Variants in PTPN18 observed in about 807,000 individuals in gnomAD.
The protein encoded by PTPN18 is protein tyrosine phosphatase non-receptor type 18, also known as tyrosine-protein phosphatase non-receptor type 18.
PTPN18 carries 65 observed loss-of-function variants against 65.4 expected under a neutral mutation model. That is an observed-to-expected ratio of 0.99 (90% CI 0.81 to 1.22). The LOEUF (loss-of-function observed/expected upper bound fraction) is 1.22. Among genes scored for constraint, PTPN18 ranks in the 50% most tolerant of loss-of-function variants. The pLI, the probability that PTPN18 is intolerant of heterozygous loss-of-function variation, is 0.00. For synonymous variants in PTPN18, 255 were observed against 267.8 expected (o/e 0.95, Z 0.47); for missense variants, 616 against 646.5 (o/e 0.95, Z 0.51).
At position 130,373,200 on chromosome 2, in the gene PTPN18, G is replaced by A. The variant is rs778107763; in HGVS notation, c.1359G>A (p.Pro453=). ...GGAGGCCGAAGGGTCCCCGGGACCC[G>A]CCTGCTGAGTGGACCCGGGTGTAAG... ...RIGRPKGPRD[P]PAEWTRV Residue 453 remains proline (P), a synonymous_variant, in exon 15 of 15, where the codon CCG becomes CCA. Coordinates refer to ENST00000175756, the MANE Select transcript of PTPN18 (RefSeq NM_014369.4). This position sits in a 1 kb window ranked among gnomAD's most constrained non-coding sequence, Gnocchi z 4.1. 54 of 1,601,708 alleles carry A rather than the reference G, an allele frequency of 3.4e-5. No individual in the cohort carries two copies. Among genetic ancestry groups the A allele is most frequent in the Non-Finnish European group, 4.1e-5 (48 of 1,174,658 alleles).
chr2:130,364,719 C>T lies in PTPN18; in HGVS notation c.415-4414C>T, dbSNP rs906893482. ...GCTGAGGCAAGAGAATGGTGTGAAC[C>T]CATGAGGCGGAGCTTGCAGTGAGCC... On this transcript the variant is annotated intron_variant, in intron 5 of 14. Coordinates refer to ENST00000175756, the MANE Select transcript of PTPN18 (RefSeq NM_014369.4). Among the ~76,000 whole-genome samples the T allele has an allele frequency of 3.9e-5, 6 of 152,230 alleles. 1 individual carries two copies. The highest frequency in any genetic ancestry group is 2.6e-4 in the Admixed American group (4 of 15,270).
chr2:130,373,334 A>C lies in PTPN18; in HGVS notation c.*110A>C. The C allele has an allele frequency of 8.6e-7, 1 of 1,163,260 alleles. No homozygotes were observed. The highest frequency in any genetic ancestry group is 2.7e-5 in the East Asian group (1 of 36,772). 72.1% of individuals were successfully genotyped at this position (1,163,260 alleles called of 1,614,324 possible). On this transcript the variant is annotated 3_prime_UTR_variant, in exon 15 of 15. Coordinates refer to ENST00000175756, the MANE Select transcript of PTPN18 (RefSeq NM_014369.4). The surrounding 1 kb of genome is among the most constrained non-coding windows in gnomAD (Gnocchi z 4.1). ...AAACAGTGGGCCTGGATCAAAGTTAAAGTTTCTCAGGGTGGGAAATGTGGG... is the reference window on the plus strand; with the variant it reads ...AAACAGTGGGCCTGGATCAAAGTTACAGTTTCTCAGGGTGGGAAATGTGGG...
At chr2:130,368,328 TCTTTA>T (rs1465082759) in intron 5 of PTPN18, among the ~76,000 whole-genome samples, 4 of 152,240 alleles carry the variant, frequency 2.6e-5, no homozygotes, top group African/African-American at 7.2e-5. Context: ...TGGATTGTTT[TCTTTA>T]GAGTGTTTTG....
At chr2:130,360,511 C>T in intron 5 of PTPN18, among the ~76,000 whole-genome samples, 1 of 152,060 alleles carries the variant, frequency 6.6e-6, no homozygotes, top group East Asian at 1.9e-4. Flanking sequence ...TTTGTGTTCT[C>T]TCTCTCTCTC....
At chr2:130,372,639 G>GC (rs758070567) in intron 13 of PTPN18, 156 bp downstream of exon 13, 2 of 1,083,920 alleles carry the variant, frequency 1.8e-6, no homozygotes, top group Non-Finnish European at 2.6e-6. Flanking sequence ...CCCTGGCCAC[G>GC]CCCCGGAAGC....
At chr2:130,369,996 G>T (rs1264920230) in intron 7 of PTPN18, 52 bp from the exon 8 acceptor site, 1 of 1,604,616 alleles carries the variant, frequency 6.2e-7, no homozygotes, top group Non-Finnish European at 8.5e-7. Flanking sequence ...GCCAATTAAT[G>T]CTTTTTTCTT....
chr2:130,372,224 G>A, intron 12 of PTPN18, 33 bp from the exon 13 acceptor site: 1 of 1,555,448 alleles, frequency 6.4e-7, no homozygotes, highest in Non-Finnish European at 8.6e-7. Flanking sequence ...CAGCGCCGCC[G>A]TTTCACTTCC....
At position 130,364,871 on chromosome 2, in the gene PTPN18, T is replaced by G. The variant is rs555251940; in HGVS notation, c.415-4262T>G. 7.9e-5 allele frequency among the ~76,000 whole-genome samples: 12 copies of G among 152,358 alleles called. No homozygotes were observed. In the South Asian group the frequency reaches 2.3e-3, roughly 29 times the overall value. ...GAATCCCTGTTTTCAGTTCCCTGGG[T>G]ATACACCTAGCATGGAATTGCTGGA... On this transcript the variant is annotated intron_variant, in intron 5 of 14. Transcript: ENST00000175756.
intron 5 of PTPN18, among the ~76,000 whole-genome samples, chr2:130,364,197 A>G (rs1013578236): frequency 6.6e-6 from 1 of 152,140 alleles, no homozygotes; most frequent in Non-Finnish European, 1.5e-5. Context: ...CCAAACAGAA[A>G]TTCTGTATTC....
chr2:130,371,280 G>A lies in PTPN18; in HGVS notation c.1006G>A (p.Val336Ile). ...LLAIPRPPGG[V>I]LRSISVPGSP... ...CGCCATACCCCGCCCACCAGGAGGG[G>A]TCCTCAGGTACCCGGCTCCATCCCC... The change falls in exon 12 of 15, where the codon GTC becomes ATC. Residue 336 changes from valine (V) to isoleucine (I), a missense_variant. Val to Ile is a conservative substitution (Grantham distance 29). Coordinates refer to ENST00000175756, the MANE Select transcript of PTPN18 (RefSeq NM_014369.4). The A allele has an allele frequency of 6.3e-7, 1 of 1,595,046 alleles. No homozygotes were observed. Among genetic ancestry groups the A allele is most frequent in the Non-Finnish European group, 8.6e-7 (1 of 1,167,696 alleles).
chr2:130,356,268 G>C, intron 1 of PTPN18, 68 bp downstream of exon 1: 1 of 1,152,656 alleles, frequency 8.7e-7, no homozygotes, highest in Admixed American at 4.1e-5. Context: ...TGTCCTCCGC[G>C]CACGGCGGGC....
intron 13 of PTPN18, 108 bp from the exon 14 acceptor site, chr2:130,372,765 C>T (rs778338714): frequency 8.7e-5 from 118 of 1,359,628 alleles, no homozygotes; most frequent in Non-Finnish European, 1.2e-4. Context: ...CGCCCGGCGC[C>T]CTCGGCTCTC....
intron 7 of PTPN18, 80 bp from the exon 8 acceptor site, chr2:130,369,968 C>T: frequency 6.3e-7 from 1 of 1,576,120 alleles, no homozygotes. Context: ...TAGAAGTGGG[C>T]CTGGTGTATA....
intron 5 of PTPN18, among the ~76,000 whole-genome samples, chr2:130,366,902 C>T (rs908537414): frequency 3.6e-4 from 54 of 152,036 alleles, no homozygotes; most frequent in Admixed American, 2.2e-3. Flanking sequence ...CCACTCACTG[C>T]AGCCTCAAAC....
rs1414219107 is a variant in PTPN18, at chr2:130,358,951, A to G, written c.178A>G (p.Asn60Asp). 1 of 1,614,198 alleles carries G rather than the reference A, an allele frequency of 6.2e-7. No individual in the cohort carries two copies. Among genetic ancestry groups the G allele is most frequent in the South Asian group, 1.1e-5 (1 of 91,088 alleles). Residue 60 changes from asparagine (N) to aspartate (D), a missense_variant, in exon 2 of 15, where the codon AAC becomes GAC. By Grantham distance (23) the Asn-to-Asp change is conservative (BLOSUM62 1). Coordinates refer to ENST00000175756, the MANE Select transcript of PTPN18 (RefSeq NM_014369.4). Reference protein sequence around the residue: ...AGSRPENVRKNRYKDVLPYDQ... With the variant: ...AGSRPENVRKDRYKDVLPYDQ... Reference sequence around the variant, plus strand: ...CAGTCGGCCAGAGAACGTGAGGAAGAACCGCTACAAAGACGTGCTGCCTTG... The same window carrying G: ...CAGTCGGCCAGAGAACGTGAGGAAGGACCGCTACAAAGACGTGCTGCCTTG...
intron 3 of PTPN18, 41 bp from the exon 4 acceptor site, chr2:130,359,356 G>A: frequency 6.2e-7 from 1 of 1,614,052 alleles, no homozygotes; most frequent in South Asian, 1.1e-5. Context: ...GTGGCCAGGG[G>A]TGGGCCGCAG....
chr2:130,361,818 C>A (rs1386591643), intron 5 of PTPN18, among the ~76,000 whole-genome samples: 1 of 152,060 alleles, frequency 6.6e-6, no homozygotes, highest in Non-Finnish European at 1.5e-5. Context: ...AAACTCCTGC[C>A]CTCAGGTGAT....
At chr2:130,371,867 C>T (rs1037253875) in intron 12 of PTPN18, 1 of 215,054 alleles carries the variant, frequency 4.6e-6, no homozygotes, top group South Asian at 1.4e-4. Context: ...GCCTTCTTGT[C>T]AGGCCGCACG....
At position 130,365,929 on chromosome 2, in the gene PTPN18, G is replaced by A. The variant is rs567645343; in HGVS notation, c.415-3204G>A. On this transcript the variant is annotated intron_variant, in intron 5 of 14. Transcript: ENST00000175756. ...TCAATTTTATTAAGCTGATTGATGTGTTTATCCTTGTGCCAGTGTAACATA... is the reference window on the plus strand; with the variant it reads ...TCAATTTTATTAAGCTGATTGATGTATTTATCCTTGTGCCAGTGTAACATA... Among the ~76,000 whole-genome samples, 12 of 152,320 alleles carry A rather than the reference G, an allele frequency of 7.9e-5. No individual in the cohort carries two copies. In the South Asian group the frequency reaches 2.5e-3, roughly 32 times the overall value.
Sources: allele counts gnomAD v4.1 joint callset (sites outside exome capture counted in the v4.1 genomes callset), GRCh38; gene constraint gnomAD v4.1.1; non-coding constraint Gnocchi (gnomAD v3.1); transcripts MANE v1.5; gene names NCBI Gene and HGNC (gene_info 2026-07-23, HGNC 2026-07-21).